Variants in ALCAM observed in about 807,000 individuals in gnomAD.
ALCAM encodes the protein activated leukocyte cell adhesion molecule, also known as CD166 antigen.
ALCAM carries 30 observed loss-of-function variants against 70.9 expected under a neutral mutation model. That is an observed-to-expected ratio of 0.42 (90% CI 0.32 to 0.57). The LOEUF (loss-of-function observed/expected upper bound fraction) is 0.57. ALCAM is among the 20% of genes least tolerant of loss of function. The probability of loss-of-function intolerance (pLI) is 0.11; values close to 1 mark genes in which losing one functional copy is unlikely to be tolerated. For synonymous variants in ALCAM, 249 were observed against 242.5 expected (o/e 1.03, Z -0.25); for missense variants, 591 against 695.1 (o/e 0.85, Z 1.68).
intron 14 of ALCAM, among the ~76,000 whole-genome samples, chr3:105,559,051 A>G (rs1940575619): frequency 6.6e-6 from 1 of 151,954 alleles, no homozygotes; most frequent in Non-Finnish European, 1.5e-5. Context: ...GTAACTTACT[A>G]TGATCCTGTA....
Position 105,534,750 on chromosome 3 carries a change from C to A in ALCAM, c.635C>A (p.Ala212Asp). 7 of 1,613,798 alleles carry A rather than the reference C, an allele frequency of 4.3e-6. No individual in the cohort carries two copies. Among genetic ancestry groups the A allele is most frequent in the East Asian group, 2.2e-5 (1 of 44,852 alleles). The stretch of plus-strand genomic sequence containing the variant: ...ACCCTGGAGTACAAGACAACCAAGG[C>A]TGACATACAAATGCCATTCACCTGC... ...TSTLEYKTTK[A>D]DIQMPFTCSV... The change falls in exon 6 of 16, where the codon GCT becomes GAT. Residue 212 changes from alanine to aspartate, a missense_variant. Coordinates refer to ENST00000306107, the MANE Select transcript of ALCAM (RefSeq NM_001627.4).
chr3:105,540,222 A>G (rs1940081911), intron 7 of ALCAM, 120 bp downstream of exon 7: 2 of 1,047,712 alleles, frequency 1.9e-6, no homozygotes. Context: ...GCCACCTATA[A>G]AATGTCACGT....
chr3:105,526,024 T>A (rs763864660), intron 3 of ALCAM, among the ~76,000 whole-genome samples: 1 of 152,200 alleles, frequency 6.6e-6, no homozygotes, highest in Non-Finnish European at 1.5e-5. Flanking sequence ...CTCAGGACAC[T>A]TTTCTAAAGC....
At chr3:105,522,112 A>G (rs112996487) in intron 2 of ALCAM, among the ~76,000 whole-genome samples, 3 of 152,230 alleles carry the variant, frequency 2.0e-5, no homozygotes, top group African/African-American at 7.2e-5. Flanking sequence ...CAGCACAGTT[A>G]GTGAAATGTG....
intron 6 of ALCAM, among the ~76,000 whole-genome samples, chr3:105,538,966 G>C (rs948597024): frequency 6.6e-6 from 1 of 151,896 alleles, no homozygotes; most frequent in African/African-American, 2.4e-5. Context: ...ATAAATGACC[G>C]CAAGAGATAG....
At chr3:105,511,993 G>A (rs1939252196) in intron 1 of ALCAM, among the ~76,000 whole-genome samples, 1 of 151,878 alleles carries the variant, frequency 6.6e-6, no homozygotes, top group African/African-American at 2.4e-5. Flanking sequence ...TACTTTAAAA[G>A]CTAAAGCAAT....
At chr3:105,497,266 A>G (rs1938772031) in intron 1 of ALCAM, among the ~76,000 whole-genome samples, 1 of 152,242 alleles carries the variant, frequency 6.6e-6, no homozygotes, top group African/African-American at 2.4e-5. Context: ...GGATGAGGAA[A>G]TAGAGAAGAA....
At chr3:105,450,207 GT>G (rs1456676593) in intron 1 of ALCAM, among the ~76,000 whole-genome samples, 1 of 152,134 alleles carries the variant, frequency 6.6e-6, no homozygotes. Flanking sequence ...TAAATCATGG[GT>G]TGAGTTCTTT....
At chr3:105,547,638 G>A in intron 11 of ALCAM, 115 bp downstream of exon 11, 1 of 1,322,048 alleles carries the variant, frequency 7.6e-7, no homozygotes, top group Non-Finnish European at 1.0e-6. Context: ...TGTGTAGGTT[G>A]GTTTGTTACC....
Position 105,575,070 on chromosome 3 carries a change from C to G in ALCAM, c.*619C>G, listed in dbSNP as rs1249649115. The G allele has an allele frequency of 6.6e-6, 1 of 152,528 alleles. No homozygotes were observed. 9.4% of individuals were successfully genotyped at this position (152,528 alleles called of 1,614,324 possible). A position where few individuals can be genotyped will look rare whatever the true frequency, so the allele number is the denominator to read the frequency against. On this transcript the variant is annotated 3_prime_UTR_variant, in exon 16 of 16. Coordinates refer to ENST00000306107, the MANE Select transcript of ALCAM (RefSeq NM_001627.4). ...AGGAGCCGACTCTTTGATATGCCAC[C>G]AGCGAACTCTCAGAAATAAATCACA... is the stretch of plus-strand genomic sequence containing the variant.
chr3:105,451,730 T>G (rs1937433610), intron 1 of ALCAM, among the ~76,000 whole-genome samples: 1 of 152,250 alleles, frequency 6.6e-6, no homozygotes, highest in African/African-American at 2.4e-5. Flanking sequence ...GTTTGATCTA[T>G]GAAGAGGCAT....
chr3:105,544,751 C>CTA (rs1249572650), intron 8 of ALCAM: 1 of 163,926 alleles, frequency 6.1e-6, no homozygotes, highest in Admixed American at 6.1e-5. Context: ...ATATCTGCTG[C>CTA]TATAGTAAAT....
In ALCAM at chr3:105,571,948, C is replaced by T. The variant is rs565623927; in HGVS notation, c.*9C>T. 1.2e-6 allele frequency: 2 copies of T among 1,600,948 alleles called. No homozygotes were observed. The highest frequency in any genetic ancestry group is 1.7e-5 in the Admixed American group (1 of 59,670). Reference sequence around the variant, plus strand: ...ACAAAACTGAAGCCTAAGAGAGAAACTGTCCTAGTTGTCCAGGTGAGTAGT... The same window carrying T: ...ACAAAACTGAAGCCTAAGAGAGAAATTGTCCTAGTTGTCCAGGTGAGTAGT... On this transcript the variant is annotated 3_prime_UTR_variant, in exon 15 of 16. Transcript: ENST00000306107.
At chr3:105,370,190 A>G (rs10446292) in intron 1 of ALCAM, among the ~76,000 whole-genome samples, 24,567 of 152,166 alleles carry the variant, frequency 0.16, 2,262 homozygotes, top group East Asian at 0.37. Flanking sequence ...ATTGATCTCA[A>G]CAGGACTTGG....
intron 1 of ALCAM, among the ~76,000 whole-genome samples, chr3:105,425,511 T>C: frequency 6.6e-6 from 1 of 151,898 alleles, no homozygotes; most frequent in Admixed American, 6.6e-5. Context: ...AAAAATAATT[T>C]ATCACAAAAA....
intron 1 of ALCAM, among the ~76,000 whole-genome samples, chr3:105,476,617 A>G (rs1438060021): frequency 1.3e-5 from 2 of 152,122 alleles, no homozygotes; most frequent in Non-Finnish European, 2.9e-5. Flanking sequence ...CAATGAATAA[A>G]ACAAACAACA....
intron 1 of ALCAM, among the ~76,000 whole-genome samples, chr3:105,470,016 T>A (rs1937876939): frequency 6.7e-6 from 1 of 150,328 alleles, no homozygotes; most frequent in South Asian, 2.1e-4. Flanking sequence ...ATATTATGCA[T>A]GTATGTATGG....
At chr3:105,421,710 C>T (rs1357613437) in intron 1 of ALCAM, among the ~76,000 whole-genome samples, 1 of 151,430 alleles carries the variant, frequency 6.6e-6, no homozygotes, top group Admixed American at 6.6e-5. Context: ...AAGAAAATTT[C>T]TAAAAGAATT....
chr3:105,395,186 A>T (rs1370126237), intron 1 of ALCAM, among the ~76,000 whole-genome samples: 2 of 151,866 alleles, frequency 1.3e-5, no homozygotes, highest in African/African-American at 2.4e-5. Context: ...ATTTTTTGGC[A>T]GTTATTTTGG....
Sources: allele counts gnomAD v4.1 joint callset (sites outside exome capture counted in the v4.1 genomes callset), GRCh38; gene constraint gnomAD v4.1.1; transcripts MANE v1.5; gene names NCBI Gene and HGNC (gene_info 2026-07-23, HGNC 2026-07-21).